Variants in MAGI2 observed in about 807,000 individuals in gnomAD.
The protein encoded by MAGI2 is membrane associated guanylate kinase, WW and PDZ domain containing 2.
Under a neutral mutation model 133.3 loss-of-function variants are expected in MAGI2, and 35 were observed. That is an observed-to-expected ratio of 0.26 (90% CI 0.20 to 0.35). The LOEUF is 0.35. MAGI2 is among the 10% of genes least tolerant of loss of function. MAGI2 has a pLI of 1.00. For synonymous variants in MAGI2, 729 were observed against 710.6 expected (o/e 1.03, Z -0.41); for missense variants, 1,636 against 1,863.4 (o/e 0.88, Z 2.25).
intron 2 of MAGI2, among the ~76,000 whole-genome samples, chr7:78,825,018 A>T (rs781490924): frequency 1.3e-5 from 2 of 152,130 alleles, no homozygotes; most frequent in Admixed American, 1.3e-4. Flanking sequence ...TTGAATAATG[A>T]GAACACATGG....
intron 1 of MAGI2, among the ~76,000 whole-genome samples, chr7:79,305,071 A>G (rs1260742519): frequency 3.9e-5 from 6 of 152,220 alleles, no homozygotes; most frequent in African/African-American, 1.4e-4. Flanking sequence ...GGAAATGTCA[A>G]CAGAAAAAAT....
intron 1 of MAGI2, among the ~76,000 whole-genome samples, chr7:79,265,326 C>T (rs1290564073): frequency 5.3e-5 from 8 of 152,184 alleles, no homozygotes; most frequent in East Asian, 1.9e-4. Context: ...AGTTTGAGGA[C>T]GACTGCTCTG....
chr7:79,163,956 A>T (rs924295624), intron 1 of MAGI2, among the ~76,000 whole-genome samples: 2 of 151,872 alleles, frequency 1.3e-5, no homozygotes, highest in Non-Finnish European at 2.9e-5. Flanking sequence ...CCTAGGCCTG[A>T]CTCCATCTCA....
At chr7:78,959,054 C>A (rs1344596936) in intron 2 of MAGI2, among the ~76,000 whole-genome samples, 2 of 152,116 alleles carry the variant, frequency 1.3e-5, no homozygotes, top group East Asian at 3.9e-4. Context: ...CACGGGCAAC[C>A]TTGTAAGATC....
intron 1 of MAGI2, among the ~76,000 whole-genome samples, chr7:79,210,743 C>G (rs960975116): frequency 1.3e-5 from 2 of 152,034 alleles, no homozygotes; most frequent in African/African-American, 4.8e-5. Flanking sequence ...TCACATGGCT[C>G]TCTTTGGGAT....
At chr7:79,065,869 G>A (rs1584835081) in intron 1 of MAGI2, among the ~76,000 whole-genome samples, 1 of 152,122 alleles carries the variant, frequency 6.6e-6, no homozygotes, top group Non-Finnish European at 1.5e-5. Context: ...CTTCATCCAT[G>A]TCCCTGCAAA....
At chr7:78,206,520 T>C (rs935232815) in intron 10 of MAGI2, among the ~76,000 whole-genome samples, 6 of 152,088 alleles carry the variant, frequency 3.9e-5, no homozygotes, top group African/African-American at 1.2e-4. Context: ...CTCAAACTCC[T>C]GATCTCATGA....
intron 1 of MAGI2, among the ~76,000 whole-genome samples, chr7:79,098,433 C>T (rs1323640392): frequency 1.3e-5 from 2 of 152,110 alleles, no homozygotes; most frequent in Non-Finnish European, 2.9e-5. Flanking sequence ...TTGACACTAC[C>T]CATAGTATGC....
At chr7:78,592,825 TCTC>T (rs1353429590) in intron 3 of MAGI2, among the ~76,000 whole-genome samples, 2 of 90,400 alleles carry the variant, frequency 2.2e-5, no homozygotes, top group African/African-American at 8.0e-5. Context: ...AATTACTGAT[TCTC>T]TTTTTTTTTT....
intron 10 of MAGI2, among the ~76,000 whole-genome samples, chr7:78,213,946 G>T (rs1349894540): frequency 6.6e-6 from 1 of 152,100 alleles, no homozygotes; most frequent in African/African-American, 2.4e-5. Context: ...TCTCCTATTT[G>T]AAACACCCAA....
intron 2 of MAGI2, among the ~76,000 whole-genome samples, chr7:78,637,144 T>C (rs1809752651): frequency 6.6e-6 from 1 of 152,146 alleles, no homozygotes; most frequent in Admixed American, 6.6e-5. Flanking sequence ...GGCCCTGGAG[T>C]ACTCTATAGC....
At chr7:79,406,101 G>C (rs1430258050) in intron 1 of MAGI2, among the ~76,000 whole-genome samples, 1 of 152,018 alleles carries the variant, frequency 6.6e-6, no homozygotes, top group Non-Finnish European at 1.5e-5. Context: ...AAAGTTTCCT[G>C]TGTAAATTCT....
intron 1 of MAGI2, among the ~76,000 whole-genome samples, chr7:79,150,579 T>C (rs77603632): frequency 0.026 from 3,949 of 152,308 alleles, 173 homozygotes; most frequent in African/African-American, 0.089. Flanking sequence ...ATAAATAATG[T>C]GTTCTAAAAG....
chr7:78,563,441 G>A (rs1451624430), intron 3 of MAGI2, among the ~76,000 whole-genome samples: 1 of 152,120 alleles, frequency 6.6e-6, no homozygotes, highest in Non-Finnish European at 1.5e-5. Flanking sequence ...TTAGCTTTAT[G>A]ATGCAAAGCC....
intron 2 of MAGI2, among the ~76,000 whole-genome samples, chr7:78,755,794 A>T (rs1274628171): frequency 6.6e-6 from 1 of 152,204 alleles, no homozygotes; most frequent in African/African-American, 2.4e-5. Context: ...CCAAATAAGT[A>T]TGTTCCCCTA....
intron 1 of MAGI2, among the ~76,000 whole-genome samples, chr7:79,023,537 A>G (rs1809555623): frequency 6.6e-6 from 1 of 152,128 alleles, no homozygotes; most frequent in Admixed American, 6.6e-5. Flanking sequence ...AAGAGAGGAA[A>G]CCAAACTATC....
chr7:79,366,242 A>AAAAC (rs1235077645), intron 1 of MAGI2, among the ~76,000 whole-genome samples: 19 of 152,140 alleles, frequency 1.2e-4, no homozygotes, highest in Admixed American at 4.6e-4. Flanking sequence ...AAAAAAACAA[A>AAAAC]AAACAAACAA....
At chr7:78,791,623 C>A (rs749640534) in intron 2 of MAGI2, among the ~76,000 whole-genome samples, 3 of 151,220 alleles carry the variant, frequency 2.0e-5, no homozygotes, top group Non-Finnish European at 4.4e-5. Flanking sequence ...CTCACTGCAG[C>A]CTCGGCCTCC....
chr7:79,418,521 A>G lies in MAGI2; in HGVS notation c.301+34499T>C, dbSNP rs143759297. On this transcript the variant is annotated intron_variant, in intron 1 of 21. Transcript: ENST00000354212. ...ATTTAGACAGGAAGATAGATTTCAG[A>G]TCATTACGATGAAAGACCAATGTAT... Among the ~76,000 whole-genome samples, 66 of 152,194 alleles carry G rather than the reference A, an allele frequency of 4.3e-4. No individual in the cohort carries two copies. In the East Asian group the frequency reaches 0.012, roughly 28 times the overall value.
Sources: allele counts gnomAD v4.1 joint callset (sites outside exome capture counted in the v4.1 genomes callset), GRCh38; gene constraint gnomAD v4.1.1; transcripts MANE v1.5; gene names NCBI Gene and HGNC (gene_info 2026-07-23, HGNC 2026-07-21).